ZFP69: variants seen among roughly 807,000 people sequenced by gnomAD.
ZFP69 encodes ZFP69 zinc finger protein, also known as zinc finger protein 69 homolog.
Under a neutral mutation model 48.9 loss-of-function variants are expected in ZFP69, and 35 were observed. The ratio of observed to expected loss-of-function variants is 0.72; its 90% CI spans 0.55 to 0.95. ZFP69 has a LOEUF of 0.95. Ranked by LOEUF, ZFP69 falls within the 40% of genes least tolerant of loss-of-function variation. The probability of loss-of-function intolerance (pLI) is 0.00; values close to 1 mark genes in which losing one functional copy is unlikely to be tolerated. For synonymous variants in ZFP69, 193 were observed against 216.8 expected (o/e 0.89, Z 0.96); for missense variants, 557 against 638.4 (o/e 0.87, Z 1.37).
At chr1:40,494,708 AT>A (rs1645609679) in intron 5 of ZFP69, among the ~76,000 whole-genome samples, 3 of 138,196 alleles carry the variant, frequency 2.2e-5, no homozygotes, top group Non-Finnish European at 4.6e-5. Flanking sequence ...CATTATATAT[AT>A]ATAAATATAT....
intron 5 of ZFP69, chr1:40,493,729 T>A (rs986591819): frequency 6.6e-6 from 1 of 152,222 alleles, no homozygotes; most frequent in Non-Finnish European, 1.5e-5. Flanking sequence ...TATTGCCTGT[T>A]GTCATTTAGA....
At chr1:40,479,819 A>G (rs1012630624) in intron 2 of ZFP69, among the ~76,000 whole-genome samples, 1 of 152,192 alleles carries the variant, frequency 6.6e-6, no homozygotes, top group Non-Finnish European at 1.5e-5. Context: ...TAAGTCCTCT[A>G]AGGGTTTTCC....
In ZFP69 at chr1:40,489,099, T is replaced by C; in HGVS notation, c.231T>C (p.Thr77=). The C allele has an allele frequency of 6.2e-7, 1 of 1,613,814 alleles. No individual in the cohort carries two copies. Among genetic ancestry groups the C allele is most frequent in the Non-Finnish European group, 8.5e-7 (1 of 1,179,988 alleles). The part of the protein sequence containing the change: ...LPTAESQELL[T]FKDISIDFTQ... ...ATTTGATGTTCTAGGAATTGTTGAC[T>C]TTCAAGGACATATCTATTGACTTCA... Residue 77 remains threonine (T), a synonymous_variant, in exon 4 of 6, where the codon ACT becomes ACC. Transcript: ENST00000372706.
At chr1:40,493,706 T>G (rs537708679) in intron 5 of ZFP69, 1 of 152,324 alleles carries the variant, frequency 6.6e-6, no homozygotes, top group South Asian at 2.1e-4. Context: ...GCATAGATAT[T>G]ATTAGACATT....
chr1:40,478,146 A>C (rs1645408235), intron 1 of ZFP69, among the ~76,000 whole-genome samples: 2 of 151,164 alleles, frequency 1.3e-5, no homozygotes, highest in Admixed American at 6.6e-5. Context: ...ACACACACAC[A>C]CACGCCTATA....
Position 40,481,754 on chromosome 1 carries a change from C to A in ZFP69, c.128-9C>A, listed in dbSNP as rs1297672874. 1.9e-6 allele frequency: 3 copies of A among 1,597,280 alleles called. No homozygotes were observed. Among genetic ancestry groups the A allele is most frequent in the Non-Finnish European group, 2.6e-6 (3 of 1,170,822 alleles). ...AGATGCAAAGCTCATGGCTCTTTTC[C>A]TTCCCCAGCTCTGCTGTCTCAGGAT... On this transcript the variant is annotated splice_polypyrimidine_tract_variant and intron_variant, in intron 2 of 5. Transcript: ENST00000372706.
At chr1:40,486,187 A>C (rs940624908) in intron 3 of ZFP69, among the ~76,000 whole-genome samples, 2 of 151,926 alleles carry the variant, frequency 1.3e-5, no homozygotes, top group African/African-American at 2.4e-5. Flanking sequence ...TAGCCTCCCA[A>C]AGTGCTGGGA....
intron 2 of ZFP69, among the ~76,000 whole-genome samples, chr1:40,481,048 C>T (rs751714545): frequency 1.3e-5 from 2 of 152,176 alleles, no homozygotes. Context: ...ACCTCGTGAT[C>T]CACCTGCCTC....
At chr1:40,494,081 A>G (rs1645596475) in intron 5 of ZFP69, among the ~76,000 whole-genome samples, 1 of 152,032 alleles carries the variant, frequency 6.6e-6, no homozygotes, top group African/African-American at 2.4e-5. Context: ...TTCAAACTGT[A>G]TTTTCTGAAC....
chr1:40,489,033 T>C (rs1441612127), intron 3 of ZFP69, 55 bp from the exon 4 acceptor site: 4 of 1,610,208 alleles, frequency 2.5e-6, no homozygotes, highest in African/African-American at 2.7e-5. Flanking sequence ...TCAGAACTCC[T>C]TGGAACTTAA....
In ZFP69 at chr1:40,495,930, ACAT is replaced by A; in HGVS notation, c.1455_1457del (p.His485del). 1.2e-6 allele frequency: 2 copies of A among 1,614,212 alleles called. No homozygotes were observed. The highest frequency in any genetic ancestry group is 1.7e-6 in the Non-Finnish European group (2 of 1,180,046). On this transcript the variant is annotated inframe_deletion, in exon 6 of 6. Coordinates refer to ENST00000372706, the MANE Select transcript of ZFP69 (RefSeq NM_001320179.2). ...ATAGGCATGATTCATCCTTTAAAAA[ACAT>A]CAGAGACATCACACTGGAGAAAAAC... is the stretch of plus-strand genomic sequence containing the variant.
chr1:40,477,361 G>C lies in ZFP69; in HGVS notation c.-860G>C, dbSNP rs1557533052. 6.6e-6 allele frequency: 1 copy of C among 152,158 alleles called. No homozygotes were observed. Among genetic ancestry groups the C allele is most frequent in the East Asian group, 1.9e-4 (1 of 5,188 alleles). The allele number at this position is 152,158 out of a possible 1,614,324, so 9.4% of individuals were successfully genotyped here. On this transcript the variant is annotated 5_prime_UTR_variant, in exon 1 of 6. Transcript: ENST00000372706. This position sits in a 1 kb window ranked among gnomAD's most constrained non-coding sequence, Gnocchi z 4.0. ...CGTGGGGTGGGCCCCGGGACCGCCA[G>C]GGCTGCAGCGAGAGCGGCCGGCGGT... is the stretch of plus-strand genomic sequence containing the variant.
chr1:40,489,571 AAGG>A lies in ZFP69; in HGVS notation c.392_394del (p.Gly131del). The A allele has an allele frequency of 6.2e-7, 1 of 1,613,806 alleles. No individual in the cohort carries two copies. The highest frequency in any genetic ancestry group is 8.5e-7 in the Non-Finnish European group (1 of 1,179,934). On this transcript the variant is annotated inframe_deletion, in exon 5 of 6. Coordinates refer to ENST00000372706, the MANE Select transcript of ZFP69 (RefSeq NM_001320179.2). Reference sequence around the variant, plus strand: ...CCTAGTGTGATATCCCAGTTAGAGAAAGGAGAAGAGCCATGGATGGCAGAGAAA... The same window carrying A: ...CCTAGTGTGATATCCCAGTTAGAGAAAGAAGAGCCATGGATGGCAGAGAAA...
At position 40,479,178 on chromosome 1, in the gene ZFP69, T is replaced by C; in HGVS notation, c.-184T>C. ...GCTTGATTTAAAGGGGAGTTTGTTT[T>C]CCAGAATTGTTAAAGTCACATCAGT... On this transcript the variant is annotated 5_prime_UTR_variant, in exon 2 of 6. Coordinates refer to ENST00000372706, the MANE Select transcript of ZFP69 (RefSeq NM_001320179.2). 1.5e-6 allele frequency: 1 copy of C among 687,060 alleles called. No homozygotes were observed. The highest frequency in any genetic ancestry group is 2.4e-6 in the Non-Finnish European group (1 of 413,660). 42.6% of individuals were successfully genotyped at this position (687,060 alleles called of 1,614,324 possible). A position where few individuals can be genotyped will look rare whatever the true frequency, so the allele number is the denominator to read the frequency against.
chr1:40,478,263 G>A (rs1047802313), intron 1 of ZFP69, among the ~76,000 whole-genome samples: 1 of 152,084 alleles, frequency 6.6e-6, no homozygotes, highest in Non-Finnish European at 1.5e-5. Context: ...ACCTGGTCAC[G>A]GTCAAAGCAC....
chr1:40,479,531 G>T, intron 2 of ZFP69, 43 bp downstream of exon 2: 1 of 1,569,776 alleles, frequency 6.4e-7, no homozygotes, highest in East Asian at 2.3e-5. Flanking sequence ...GATCTCATTT[G>T]TGTGTGAAAA....
chr1:40,489,585 T>A lies in ZFP69; in HGVS notation c.403T>A (p.Trp135Arg). The A allele has an allele frequency of 2.5e-6, 4 of 1,613,742 alleles. No homozygotes were observed. Among genetic ancestry groups the A allele is most frequent in the Non-Finnish European group, 3.4e-6 (4 of 1,179,932 alleles). The change falls in exon 5 of 6, where the codon TGG (tryptophan) becomes AGG (arginine). Residue 135 changes from tryptophan (W) to arginine (R), a missense_variant. Physicochemically the swap from Trp to Arg is moderately radical, Grantham distance 101. Coordinates refer to ENST00000372706, the MANE Select transcript of ZFP69 (RefSeq NM_001320179.2). ...ISQLEKGEEP[W>R]MAEKEGPGDP... The stretch of plus-strand genomic sequence containing the variant: ...CCAGTTAGAGAAAGGAGAAGAGCCA[T>A]GGATGGCAGAGAAAGAAGGCCCAGG...
chr1:40,479,152 T>C lies in ZFP69; in HGVS notation c.-210T>C. On this transcript the variant is annotated 5_prime_UTR_variant, in exon 2 of 6. Coordinates refer to ENST00000372706, the MANE Select transcript of ZFP69 (RefSeq NM_001320179.2). ...CTAACTGGCTGCCTCCCAAAGAAAG[T>C]GCTTGATTTAAAGGGGAGTTTGTTT... The C allele has an allele frequency of 1.9e-6, 1 of 531,332 alleles. No individual in the cohort carries two copies. The allele number at this position is 531,332 out of a possible 1,614,324, so 32.9% of individuals were successfully genotyped here.
chr1:40,492,328 C>G (rs1285322108), intron 5 of ZFP69, among the ~76,000 whole-genome samples: 15 of 152,146 alleles, frequency 9.9e-5, no homozygotes, highest in Non-Finnish European at 1.5e-5. Flanking sequence ...ATCTGATTAA[C>G]TTTTTCCACA....
Sources: gnomAD v4.1 joint callset for allele counts (sites outside exome capture counted in the v4.1 genomes callset) on GRCh38, gnomAD v4.1.1 for gene constraint, Gnocchi (gnomAD v3.1) non-coding constraint, MANE v1.5 for transcripts, NCBI Gene and HGNC (gene_info 2026-07-23, HGNC 2026-07-21) for gene names.